The following FBXW8 variants were observed in gnomAD, a reference collection of about 807,000 sequenced individuals.
FBXW8 encodes F-box/WD repeat-containing protein 8.
In FBXW8, 57 loss-of-function variants were observed where a neutral mutation model predicts 65.3. The observed-to-expected ratio is 0.87, with a 90% CI of 0.71 to 1.09. FBXW8 has a LOEUF of 1.09. Ranked by LOEUF, FBXW8 falls within the 50% of genes least tolerant of loss-of-function variation. FBXW8 has a pLI of 0.00. For synonymous variants in FBXW8, 308 were observed against 330.2 expected, an observed-to-expected ratio of 0.93 and a Z score of 0.73; for missense variants, 777 against 814.8, an observed-to-expected ratio of 0.95 and a Z score of 0.57.
intron 5 of FBXW8, among the ~76,000 whole-genome samples, chr12:116,975,667 T>C (rs1884882115): frequency 6.6e-6 from 1 of 152,224 alleles, no homozygotes; most frequent in Non-Finnish European, 1.5e-5. Context: ...ACATGGCCAG[T>C]AATGAAACTT....
Position 117,010,349 on chromosome 12 carries a change from ACGC to A in FBXW8, c.1271_1273del (p.Arg424del). The A allele has an allele frequency of 1.2e-6, 2 of 1,614,200 alleles. No homozygotes were observed. Among genetic ancestry groups the A allele is most frequent in the Non-Finnish European group, 1.7e-6 (2 of 1,180,034 alleles). ...TCCTGGTGTATAGCCTGGAAGCAGG[ACGC>A]CGCCTCTTGAAGCTGGGTAACGTTC... On this transcript the variant is annotated inframe_deletion, in exon 8 of 11. Transcript: ENST00000652555.
chr12:116,972,354 G>T (rs10735102), intron 5 of FBXW8, among the ~76,000 whole-genome samples: 101,492 of 152,186 alleles, frequency 0.67, 38,775 homozygotes, highest in Non-Finnish European at 0.84. Flanking sequence ...TTAAGTGAGA[G>T]AATTTAATTT....
At chr12:117,027,231 T>C (rs1391563480) in intron 9 of FBXW8, among the ~76,000 whole-genome samples, 163 bp from the exon 10 acceptor site, 1 of 152,190 alleles carries the variant, frequency 6.6e-6, no homozygotes, top group Non-Finnish European at 1.5e-5. Context: ...CTTCGGGAAC[T>C]GAGGTGAGAC....
chr12:116,965,605 GA>G (rs1174839408), intron 5 of FBXW8, among the ~76,000 whole-genome samples: 1 of 152,170 alleles, frequency 6.6e-6, no homozygotes, highest in Non-Finnish European at 1.5e-5. Context: ...GCATATTTCA[GA>G]ATGTTAAGTG....
At chr12:116,941,179 C>T (rs1191796315) in intron 2 of FBXW8, among the ~76,000 whole-genome samples, 1 of 152,192 alleles carries the variant, frequency 6.6e-6, no homozygotes, top group Non-Finnish European at 1.5e-5. Flanking sequence ...CAGCTCTCCA[C>T]TGGAAGCATT....
At chr12:116,933,643 A>G (rs564559541) in intron 2 of FBXW8, among the ~76,000 whole-genome samples, 1 of 152,318 alleles carries the variant, frequency 6.6e-6, no homozygotes, top group South Asian at 2.1e-4. Context: ...AGAATAGAAA[A>G]TATTCTTAAA....
intron 5 of FBXW8, among the ~76,000 whole-genome samples, chr12:116,982,035 A>G (rs1207546516): frequency 6.6e-6 from 1 of 152,240 alleles, no homozygotes; most frequent in African/African-American, 2.4e-5. Context: ...TAACAAGCCA[A>G]CAAAGGAATT....
intron 1 of FBXW8, among the ~76,000 whole-genome samples, chr12:116,912,500 C>A (rs1172884926): frequency 6.7e-6 from 1 of 149,786 alleles, no homozygotes; most frequent in African/African-American, 2.5e-5. Context: ...GCTCTGTCGC[C>A]CAGGCTGGAG....
At chr12:116,923,797 T>C (rs1593042359) in intron 1 of FBXW8, among the ~76,000 whole-genome samples, 1 of 152,298 alleles carries the variant, frequency 6.6e-6, no homozygotes, top group South Asian at 2.1e-4. Context: ...CTCGGCTCAC[T>C]GCAAGCTCCG....
intron 8 of FBXW8, among the ~76,000 whole-genome samples, chr12:117,011,883 A>G (rs975774081): frequency 6.6e-6 from 1 of 152,182 alleles, no homozygotes; most frequent in African/African-American, 2.4e-5. Flanking sequence ...AAATTCTACA[A>G]AGTTCCAAAA....
At chr12:116,949,357 C>G (rs1259429853) in intron 3 of FBXW8, 1 of 476,012 alleles carries the variant, frequency 2.1e-6, no homozygotes, top group Non-Finnish European at 3.8e-6. Context: ...TATTCTGTAA[C>G]CTCCTGGAGG....
intron 5 of FBXW8, among the ~76,000 whole-genome samples, chr12:116,984,968 C>T (rs1486239227): frequency 1.3e-5 from 2 of 151,814 alleles, no homozygotes; most frequent in Non-Finnish European, 2.9e-5. Context: ...CCAGCCTGGG[C>T]GAAGAGTGAG....
At chr12:116,932,266 T>A (rs1302295543) in intron 2 of FBXW8, among the ~76,000 whole-genome samples, 1 of 152,188 alleles carries the variant, frequency 6.6e-6, no homozygotes, top group African/African-American at 2.4e-5. Context: ...GCCAAAAAAT[T>A]AGTTTGTTTA....
intron 3 of FBXW8, among the ~76,000 whole-genome samples, chr12:116,947,814 T>C (rs1198870904): frequency 6.6e-6 from 1 of 151,752 alleles, no homozygotes; most frequent in Non-Finnish European, 1.5e-5. Flanking sequence ...TTTGTCTGCC[T>C]CCATTTTCTC....
Position 116,999,531 on chromosome 12 carries a change from C to T in FBXW8, c.1239+10662C>T, listed in dbSNP as rs373012240. Among the ~76,000 whole-genome samples, 67 of 152,308 alleles carry T rather than the reference C, an allele frequency of 4.4e-4. 2 individuals are homozygous for T. The South Asian group carries it at 0.013, about 31-fold the overall frequency. ...GACATGAAAATAATCCCTCCCCGAG[C>T]GCATTTCCCCTTCCTGGCTCGCCCC... On this transcript the variant is annotated intron_variant, in intron 7 of 10. Transcript: ENST00000652555.
intron 1 of FBXW8, among the ~76,000 whole-genome samples, chr12:116,914,994 T>G (rs1245546915): frequency 6.6e-6 from 1 of 152,248 alleles, no homozygotes. Flanking sequence ...TTTAGAGACA[T>G]TATCGTCTTC....
intron 4 of FBXW8, among the ~76,000 whole-genome samples, chr12:116,951,656 GA>G (rs1050399039): frequency 1.4e-4 from 21 of 152,200 alleles, no homozygotes; most frequent in African/African-American, 5.1e-4. Context: ...ATCATTGATG[GA>G]GAGCAGAATC....
chr12:116,928,166 T>C (rs202056280), intron 2 of FBXW8, 39 bp downstream of exon 2: 4 of 1,301,802 alleles, frequency 3.1e-6, no homozygotes, highest in Non-Finnish European at 4.4e-6. Flanking sequence ...TTTTCCTAAA[T>C]GTGTGATTAA....
Position 116,911,372 on chromosome 12 carries a change from T to TGCCCC in FBXW8, c.318+17_318+18insGCCCC. ...CGCGACCTGGTGAGTGGCCGTCGCC[T>TGCCCC]CCCCCCCGCCCATGCCTGCGCCGGC... On this transcript the variant is annotated intron_variant, in intron 1 of 10. Transcript: ENST00000652555. 8.1e-7 allele frequency: 1 copy of TGCCCC among 1,237,220 alleles called. No homozygotes were observed. Among genetic ancestry groups the TGCCCC allele is most frequent in the East Asian group, 3.3e-5 (1 of 30,340 alleles). The allele number at this position is 1,237,220 out of a possible 1,614,324, so 76.6% of individuals were successfully genotyped here. A position where few individuals can be genotyped will look rare whatever the true frequency, so the allele number is the denominator to read the frequency against.
Sources: gnomAD v4.1 joint callset for allele counts (sites outside exome capture counted in the v4.1 genomes callset) on GRCh38, gnomAD v4.1.1 for gene constraint, MANE v1.5 for transcripts, NCBI Gene and HGNC (gene_info 2026-07-23, HGNC 2026-07-21) for gene names.